Variants in USH2A observed in about 807,000 individuals in gnomAD.
USH2A encodes the protein Usher syndrome 2A (autosomal recessive, mild).
A neutral mutation model predicts 538.9 loss-of-function variants in USH2A; 443 were observed. The ratio of observed to expected loss-of-function variants is 0.82; its 90% CI spans 0.76 to 0.89. The LOEUF (loss-of-function observed/expected upper bound fraction) is 0.89, where lower values mean the gene tolerates loss of function less well. Ranked by LOEUF, USH2A falls within the 40% of genes least tolerant of loss-of-function variation. The pLI is 0.00. For missense variants in USH2A, 6,633 were observed against 6,324.8 expected (o/e 1.05, Z -1.65); for synonymous variants, 2,413 against 2,273.5 (o/e 1.06, Z -1.75).
intron 40 of USH2A, among the ~76,000 whole-genome samples, chr1:215,893,059 G>A (rs1477751442): frequency 1.3e-5 from 2 of 152,102 alleles, no homozygotes; most frequent in African/African-American, 4.8e-5. Context: ...AATTCATGAA[G>A]TCAGGAAAAC....
chr1:215,759,610 G>T (rs1482314680), intron 57 of USH2A, 50 bp downstream of exon 57: 2 of 1,607,694 alleles, frequency 1.2e-6, no homozygotes, highest in African/African-American at 2.7e-5. Context: ...TCAACCCAGA[G>T]AAATGTACAA....
At chr1:215,764,984 A>G (rs906167155) in intron 56 of USH2A, among the ~76,000 whole-genome samples, 2 of 152,116 alleles carry the variant, frequency 1.3e-5, no homozygotes, top group Non-Finnish European at 2.9e-5. Context: ...AGTTAAAAAA[A>G]AAAAAGAAAT....
At chr1:215,720,676 A>G (rs1659631302) in intron 61 of USH2A, among the ~76,000 whole-genome samples, 1 of 152,164 alleles carries the variant, frequency 6.6e-6, no homozygotes, top group Admixed American at 6.5e-5. Flanking sequence ...AGGACTTGAT[A>G]TTGGCTGCCT....
intron 13 of USH2A, among the ~76,000 whole-genome samples, chr1:216,236,856 G>A (rs542608379): frequency 6.6e-6 from 1 of 152,140 alleles, no homozygotes; most frequent in African/African-American, 2.4e-5. Flanking sequence ...AAACATTATT[G>A]GAATTTTCTG....
At chr1:216,375,343 T>A (rs188377860) in intron 3 of USH2A, among the ~76,000 whole-genome samples, 90 of 152,310 alleles carry the variant, frequency 5.9e-4, no homozygotes, top group Non-Finnish European at 8.1e-4. Flanking sequence ...TCATCAGTGA[T>A]CTTATCTAGA....
intron 57 of USH2A, among the ~76,000 whole-genome samples, chr1:215,759,300 A>C (rs951311377): frequency 6.6e-6 from 1 of 152,132 alleles, no homozygotes; most frequent in Admixed American, 6.6e-5. Context: ...AACACTGTAC[A>C]AGAAGAAAAG....
chr1:216,121,581 G>A (rs939840305), intron 21 of USH2A, among the ~76,000 whole-genome samples: 14 of 152,108 alleles, frequency 9.2e-5, no homozygotes, highest in African/African-American at 2.4e-4. Context: ...ATGTTGTTGC[G>A]TATTAATGAG....
chr1:215,899,992 T>A (rs1665446248), intron 40 of USH2A, 83 bp downstream of exon 40: 1 of 1,599,982 alleles, frequency 6.3e-7, no homozygotes, highest in Non-Finnish European at 8.5e-7. Context: ...GGGAGGCTCA[T>A]TTCTTTGCTT....
chr1:216,412,875 T>C (rs1055288107), intron 3 of USH2A, among the ~76,000 whole-genome samples: 3 of 152,010 alleles, frequency 2.0e-5, no homozygotes, highest in Non-Finnish European at 4.4e-5. Flanking sequence ...AAAATCTCTG[T>C]CATGGAGATA....
intron 41 of USH2A, among the ~76,000 whole-genome samples, chr1:215,881,016 G>A (rs2102453514): frequency 6.6e-6 from 1 of 152,332 alleles, no homozygotes; most frequent in South Asian, 2.1e-4. Context: ...TGAGGCAGGA[G>A]AGTTGCTTGA....
intron 50 of USH2A, among the ~76,000 whole-genome samples, chr1:215,792,356 C>A (rs934192390): frequency 1.3e-4 from 20 of 152,080 alleles, no homozygotes; most frequent in African/African-American, 3.9e-4. Flanking sequence ...ACTCACATAA[C>A]AAGAAGTGAC....
At chr1:216,311,048 G>A (rs936336027) in intron 9 of USH2A, among the ~76,000 whole-genome samples, 3 of 152,198 alleles carry the variant, frequency 2.0e-5, no homozygotes, top group South Asian at 4.2e-4. Context: ...GACAGTATGG[G>A]AAGGCTGCCT....
intron 36 of USH2A, among the ~76,000 whole-genome samples, chr1:215,968,336 T>C (rs1018695081): frequency 1.3e-5 from 2 of 151,912 alleles, no homozygotes; most frequent in African/African-American, 4.8e-5. Context: ...TGGGTTTTTT[T>C]TGTTGCTGTT....
chr1:215,662,432 G>A (rs945705809), intron 64 of USH2A, among the ~76,000 whole-genome samples: 3 of 152,178 alleles, frequency 2.0e-5, no homozygotes, highest in Admixed American at 6.6e-5. Context: ...TCCCAAAGGC[G>A]CCATGAAGAT....
chr1:215,991,550 C>T (rs1416210364), intron 35 of USH2A, among the ~76,000 whole-genome samples: 2 of 152,046 alleles, frequency 1.3e-5, no homozygotes, highest in Non-Finnish European at 2.9e-5. Context: ...TCTAAAAATC[C>T]CACTCTAATT....
chr1:215,928,338 AT>A (rs897434985), intron 38 of USH2A, among the ~76,000 whole-genome samples: 30 of 151,878 alleles, frequency 2.0e-4, no homozygotes, highest in Middle Eastern at 3.4e-3. Flanking sequence ...GTAAGGAAAG[AT>A]TTTTTTTTAT....
intron 4 of USH2A, among the ~76,000 whole-genome samples, chr1:216,347,164 T>C (rs2038192720): frequency 1.3e-5 from 2 of 152,052 alleles, no homozygotes; most frequent in African/African-American, 4.8e-5. Flanking sequence ...AGATTCTAGA[T>C]AAGGCCTGGG....
At chr1:216,394,718 G>GTTTTTTTTTTTTTTT (rs1571775823) in intron 3 of USH2A, among the ~76,000 whole-genome samples, 1 of 58,710 alleles carries the variant, frequency 1.7e-5, no homozygotes, top group African/African-American at 4.5e-5. Context: ...AACTGGTCCA[G>GTTTTTTTTTTTTTTT]TCTTTTTTTT....
At chr1:216,415,225 T>C (rs1422991038) in intron 3 of USH2A, among the ~76,000 whole-genome samples, 2 of 152,182 alleles carry the variant, frequency 1.3e-5, no homozygotes, top group African/African-American at 4.8e-5. Context: ...TACTTGTTTA[T>C]GAAGAATTCA....
Sources: allele counts gnomAD v4.1 joint callset (sites outside exome capture counted in the v4.1 genomes callset), GRCh38; gene constraint gnomAD v4.1.1; transcripts MANE v1.5; gene names NCBI Gene and HGNC (gene_info 2026-07-23, HGNC 2026-07-21).